The following MYH10 variants were observed in gnomAD, a reference collection of about 807,000 sequenced individuals.
MYH10 encodes the protein myosin-10.
MYH10 carries 55 observed loss-of-function variants against 257.8 expected under a neutral mutation model. That is an observed-to-expected ratio of 0.21 (90% CI 0.17 to 0.27). The LOEUF is 0.27. Ranked by LOEUF, MYH10 falls within the 10% of genes least tolerant of loss-of-function variation. MYH10 has a pLI of 1.00. For synonymous variants in MYH10, 854 were observed against 921.7 expected, an observed-to-expected ratio of 0.93 and a Z score of 1.33; for missense variants, 1,631 against 2,500.6, an observed-to-expected ratio of 0.65 and a Z score of 7.42.
intron 36 of MYH10, among the ~76,000 whole-genome samples, chr17:8,485,430 A>C (rs537322985): frequency 1.2e-3 from 178 of 151,450 alleles, no homozygotes; most frequent in Non-Finnish European, 2.2e-3. Flanking sequence ...ACACATCAAC[A>C]CAATAAACTA....
chr17:8,610,270 G>GTAAAAAAAAAAA (rs1567977649), intron 2 of MYH10, among the ~76,000 whole-genome samples: 1 of 8,024 alleles, frequency 1.2e-4, no homozygotes, highest in African/African-American at 2.8e-3. Context: ...CCATAGGATT[G>GTAAAAAAAAAAA]CAAAAAAAAA....
chr17:8,597,678 A>T (rs1010690898), intron 3 of MYH10, among the ~76,000 whole-genome samples: 1 of 150,284 alleles, frequency 6.7e-6, no homozygotes, highest in Non-Finnish European at 1.5e-5. Context: ...CAATGGTGCA[A>T]TCTCAGCTCA....
At position 8,521,185 on chromosome 17, in the gene MYH10, T is replaced by C. The variant is rs111317210; in HGVS notation, c.2058A>G (p.Gln686=). Residue 686 remains glutamine (Q), a synonymous_variant, in exon 18 of 43, where the codon CAA becomes CAG. Coordinates refer to ENST00000360416, the MANE Select transcript of MYH10 (RefSeq NM_001256012.3). ...GCTTGGTGAGAGATTCTTTGTAGAG[T>C]TGCCCAACGGTACGAAACATGCCCT... ...TKKGMFRTVG[Q]LYKESLTKLM... 3.9e-4 allele frequency: 628 copies of C among 1,614,168 alleles called. 3 individuals carry two copies. The African/African-American group carries it at 7.6e-3, about 19-fold the overall frequency.
intron 42 of MYH10, among the ~76,000 whole-genome samples, chr17:8,476,281 T>C (rs758139414): frequency 5.3e-5 from 8 of 152,256 alleles, no homozygotes; most frequent in African/African-American, 1.4e-4. Flanking sequence ...GTGGGCCACA[T>C]AGGGACTCTG....
At chr17:8,571,588 C>T (rs2083344231) in intron 6 of MYH10, among the ~76,000 whole-genome samples, 1 of 151,764 alleles carries the variant, frequency 6.6e-6, no homozygotes, top group Non-Finnish European at 1.5e-5. Context: ...CGAGACCATC[C>T]TGGCTAACAC....
chr17:8,586,182 A>G (rs1429248319), intron 4 of MYH10, among the ~76,000 whole-genome samples: 2 of 152,116 alleles, frequency 1.3e-5, no homozygotes, highest in Non-Finnish European at 2.9e-5. Context: ...ATACTTTCCC[A>G]CTGAAGCCTT....
intron 8 of MYH10, among the ~76,000 whole-genome samples, chr17:8,553,252 G>A (rs1414152109): frequency 3.3e-5 from 5 of 152,076 alleles, no homozygotes; most frequent in Non-Finnish European, 7.4e-5. Flanking sequence ...AGTCCATTTG[G>A]AGGCATAAAA....
intron 4 of MYH10, among the ~76,000 whole-genome samples, chr17:8,588,160 A>T (rs1387002815): frequency 6.6e-6 from 1 of 151,992 alleles, no homozygotes; most frequent in Non-Finnish European, 1.5e-5. Context: ...GGCTTTCCTC[A>T]GGATTCCACA....
At position 8,545,683 on chromosome 17, in the gene MYH10, T is replaced by A; in HGVS notation, c.1279-83A>T. 7.0e-7 allele frequency: 1 copy of A among 1,422,072 alleles called. No homozygotes were observed. The highest frequency in any genetic ancestry group is 9.5e-7 in the Non-Finnish European group (1 of 1,052,718). The allele number at this position is 1,422,072 out of a possible 1,614,324, so 88.1% of individuals were successfully genotyped here. ...AGCTGTTTTACGGAATTTAATGTTA[T>A]ACAGCACTCAAAAAACCTGAGATGG... On this transcript the variant is annotated intron_variant, in intron 12 of 42. Transcript: ENST00000360416. This position sits in a 1 kb window ranked among gnomAD's most constrained non-coding sequence, Gnocchi z 4.7.
At chr17:8,594,738 A>G (rs2084295961) in intron 3 of MYH10, among the ~76,000 whole-genome samples, 1 of 152,250 alleles carries the variant, frequency 6.6e-6, no homozygotes, top group Non-Finnish European at 1.5e-5. Context: ...ATGGCAGAGT[A>G]TCTGCAAATA....
Position 8,561,160 on chromosome 17 carries a change from AAAAC to A in MYH10, c.757-7146_757-7143del, listed in dbSNP as rs370198488. 1.2e-4 allele frequency: 78 copies of A among 643,584 alleles called. No individual in the cohort carries two copies. The Admixed American group carries it at 1.6e-3, about 13-fold the overall frequency. 39.9% of individuals were successfully genotyped at this position (643,584 alleles called of 1,614,324 possible). Reference sequence around the variant, plus strand: ...ATTATAAAATAAAAACTCAGTAACAAAAACAAACAAAGGAGAAATGGGAGAAAAT... The same window carrying A: ...ATTATAAAATAAAAACTCAGTAACAAAAACAAAGGAGAAATGGGAGAAAAT... On this transcript the variant is annotated intron_variant, in intron 7 of 42. Coordinates refer to ENST00000360416, the MANE Select transcript of MYH10 (RefSeq NM_001256012.3).
chr17:8,602,473 C>T (rs184200042), intron 3 of MYH10, among the ~76,000 whole-genome samples: 3 of 152,266 alleles, frequency 2.0e-5, no homozygotes, highest in East Asian at 1.9e-4. Flanking sequence ...CATTGGTAGC[C>T]GGTGTGAGCT....
At chr17:8,592,965 ATATAT>A (rs1356341075) in intron 3 of MYH10, among the ~76,000 whole-genome samples, 9 of 126,052 alleles carry the variant, frequency 7.1e-5, no homozygotes, top group African/African-American at 2.5e-4. Context: ...ATATATATAT[ATATAT>A]AAAAGATGAT....
intron 35 of MYH10, 34 bp from the exon 36 acceptor site, chr17:8,487,628 T>A: frequency 6.2e-7 from 1 of 1,612,438 alleles, no homozygotes; most frequent in Non-Finnish European, 8.5e-7. Flanking sequence ...CTGGGTTACA[T>A]CCAAGTATCT....
At chr17:8,590,171 C>T (rs964463669) in intron 3 of MYH10, among the ~76,000 whole-genome samples, 16 of 152,126 alleles carry the variant, frequency 1.1e-4, no homozygotes, top group African/African-American at 3.6e-4. Context: ...TAAATAACTT[C>T]CATGAAAGAG....
intron 17 of MYH10, among the ~76,000 whole-genome samples, chr17:8,524,449 CAAAAAAAAAAAAAAAAAAAAAAAAAAAAA>C (rs541255427): frequency 2.3e-4 from 14 of 62,158 alleles, no homozygotes; most frequent in Admixed American, 7.0e-4. Flanking sequence ...GACTCTGTCT[CAAAAAAAAAAAAAAAAAAAAAAAAAAAAA>C]AAAAAAAAAA....
At chr17:8,626,394 C>T (rs138944693) in intron 1 of MYH10, among the ~76,000 whole-genome samples, 2,594 of 151,794 alleles carry the variant, frequency 0.017, 36 homozygotes, top group Non-Finnish European at 0.028. Flanking sequence ...AGCGAAACCC[C>T]GTCTCTACAA....
chr17:8,542,086 C>A lies in MYH10; in HGVS notation c.1605+21G>T, dbSNP rs113551537. 3.3e-5 allele frequency: 52 copies of A among 1,586,186 alleles called. No individual in the cohort carries two copies. In the African/African-American group the frequency reaches 4.8e-4, roughly 15 times the overall value. On this transcript the variant is annotated intron_variant, in intron 14 of 42. Transcript: ENST00000360416. ...TGCTTGAGTGGAAAATGAAAGACAG[C>A]GAGCAAGTGAGCACTCTTACAGGTC...
rs1023437479 is a variant in MYH10, at chr17:8,490,688, C to A, written c.4672-136G>T. 8 of 718,714 alleles carry A rather than the reference C, an allele frequency of 1.1e-5. No individual in the cohort carries two copies. The highest frequency in any genetic ancestry group is 1.9e-5 in the Non-Finnish European group (8 of 411,122). 44.5% of individuals were successfully genotyped at this position (718,714 alleles called of 1,614,324 possible). The stretch of plus-strand genomic sequence containing the variant: ...CCCTGGGCCGGCCCCCTGCCACATG[C>A]ATACACATCCTTCCCTCTCCCCTGA... On this transcript the variant is annotated intron_variant, in intron 34 of 42. Transcript: ENST00000360416. The surrounding 1 kb of genome is among the most constrained non-coding windows in gnomAD (Gnocchi z 4.1).
Sources: gnomAD v4.1 joint callset for allele counts (sites outside exome capture counted in the v4.1 genomes callset) on GRCh38, gnomAD v4.1.1 for gene constraint, Gnocchi (gnomAD v3.1) non-coding constraint, MANE v1.5 for transcripts, NCBI Gene and HGNC (gene_info 2026-07-23, HGNC 2026-07-21) for gene names.